Variants in PIGG observed in about 807,000 individuals in gnomAD.
PIGG encodes the protein GPI ethanolamine phosphate transferase 2, catalytic subunit.
A neutral mutation model predicts 83.2 loss-of-function variants in PIGG; 70 were observed. The observed-to-expected ratio is 0.84, with a 90% confidence interval of 0.69 to 1.03. The LOEUF is 1.03. PIGG is among the 50% of genes least tolerant of loss of function. PIGG has a pLI of 0.00. For missense variants in PIGG, 1,257 were observed against 1,233.6 expected (o/e 1.02, Z -0.28); for synonymous variants, 532 against 519.5 (o/e 1.02, Z -0.33).
At chr4:538,267 C>G (rs1287282651) in intron 12 of PIGG, among the ~76,000 whole-genome samples, 1 of 149,970 alleles carries the variant, frequency 6.7e-6, no homozygotes, top group Non-Finnish European at 1.5e-5. Flanking sequence ...ATCACAGACT[C>G]AGGGAAGTTG....
chr4:499,286 G>A lies in PIGG; in HGVS notation c.-50G>A. Reference sequence around the variant, plus strand: ...GGAGCCGGAAGCGCGGCTGCAGCAGGGCGAGGCTCCAGGTGGGGTCGGTTC... The same window carrying A: ...GGAGCCGGAAGCGCGGCTGCAGCAGAGCGAGGCTCCAGGTGGGGTCGGTTC... On this transcript the variant is annotated 5_prime_UTR_variant, in exon 1 of 13. Transcript: ENST00000453061. The A allele has an allele frequency of 6.3e-7, 1 of 1,584,724 alleles. No individual in the cohort carries two copies. Among genetic ancestry groups the A allele is most frequent in the Non-Finnish European group, 8.5e-7 (1 of 1,170,502 alleles).
intron 12 of PIGG, among the ~76,000 whole-genome samples, chr4:535,995 CCACGCACCCAGGCA>C (rs1490858759): frequency 1.3e-5 from 2 of 152,212 alleles, no homozygotes; most frequent in Non-Finnish European, 2.9e-5. Context: ...CGGGCAGGGC[CCACGCACCCAGGCA>C]CGCACACCCG....
Position 516,005 on chromosome 4 carries a change from A to G in PIGG, c.934A>G (p.Thr312Ala). Residue 312 changes from threonine to alanine, a missense_variant, in exon 6 of 13, where the codon ACG becomes GCG. By Grantham distance (58) the Thr-to-Ala change is moderately conservative (BLOSUM62 0). Transcript: ENST00000453061. ...DIRHPKHVQQ[T>A]DVAATLAIAL... is the part of the protein sequence containing the mutation. ...CCGACATCCAAAGCACGTCCAACAG[A>G]CGGATGTGGCTGCGACACTGGCGAT... 6.2e-7 allele frequency: 1 copy of G among 1,614,172 alleles called. No individual in the cohort carries two copies. The highest frequency in any genetic ancestry group is 8.5e-7 in the Non-Finnish European group (1 of 1,180,000).
intron 9 of PIGG, chr4:526,804 T>C: frequency 3.7e-6 from 2 of 541,228 alleles, no homozygotes; most frequent in East Asian, 6.8e-5. Context: ...CGCATTGGCA[T>C]CCTAAAGTGC....
At chr4:502,437 C>G (rs1553876409) in intron 2 of PIGG, 1 of 152,226 alleles carries the variant, frequency 6.6e-6, no homozygotes, top group Non-Finnish European at 1.5e-5. Context: ...TGCCCTGCCT[C>G]CAGTCTGAGA....
chr4:516,256 GT>G, intron 6 of PIGG, 71 bp downstream of exon 6: 1 of 984,368 alleles, frequency 1.0e-6, no homozygotes, highest in Non-Finnish European at 1.6e-6. Context: ...TCTCCGATGT[GT>G]TTCTGTGGTA....
At chr4:530,142 C>A (rs1011380212) in intron 10 of PIGG, among the ~76,000 whole-genome samples, 9 of 152,146 alleles carry the variant, frequency 5.9e-5, no homozygotes, top group African/African-American at 2.2e-4. Context: ...TTGGGTCGTG[C>A]CACCAGATGA....
rs1165926827 is a variant in PIGG at position 499,251 on chromosome 4, G to A, written c.-85G>A. The A allele has an allele frequency of 2.4e-5, 35 of 1,454,346 alleles. No individual in the cohort carries two copies. The highest frequency in any genetic ancestry group is 4.8e-5 in the East Asian group (2 of 41,420). 90.1% of individuals were successfully genotyped at this position (1,454,346 alleles called of 1,614,324 possible). A position where few individuals can be genotyped will look rare whatever the true frequency, so the allele number is the denominator to read the frequency against. ...TAAGGCCTGGCGTTATTGCTTAGAG[G>A]CGGCTACCTGGAGCCGGAAGCGCGG... On this transcript the variant is annotated 5_prime_UTR_variant, in exon 1 of 13. Coordinates refer to ENST00000453061, the MANE Select transcript of PIGG (RefSeq NM_001127178.3).
chr4:522,470 A>G lies in PIGG; in HGVS notation c.1614+529A>G, dbSNP rs148989189. ...TGGAATTCTTAGTCCTTGGCCTCGG[A>G]CACCTTCATTCGTTAGCTGGGGAGT... On this transcript the variant is annotated intron_variant, in intron 8 of 12. Coordinates refer to ENST00000453061, the MANE Select transcript of PIGG (RefSeq NM_001127178.3). The G allele has an allele frequency of 5.3e-3, 1,052 of 199,102 alleles. 19 individuals carry two copies. The highest frequency in any genetic ancestry group is 0.023 in the African/African-American group (1,008 of 43,852). The allele number at this position is 199,102 out of a possible 1,614,324, so 12.3% of individuals were successfully genotyped here. A position where few individuals can be genotyped will look rare whatever the true frequency, so the allele number is the denominator to read the frequency against.
rs1162746389 is a variant in PIGG at position 533,945 on chromosome 4, G to T, written c.2699G>T (p.Ser900Ile). Residue 900 changes from serine to isoleucine, a missense_variant, in exon 12 of 13, where the codon AGC becomes ATC. Physicochemically the swap from Ser to Ile is moderately radical, Grantham distance 142. Coordinates refer to ENST00000453061, the MANE Select transcript of PIGG (RefSeq NM_001127178.3). ...TACGCAGGGCCTGTGCTGTGGGCCA[G>T]CCACTTAGTGCACTTCCTGAGCTCA... ...GTYAGPVLWA[S>I]HLVHFLSSET... The T allele has an allele frequency of 6.2e-7, 1 of 1,614,092 alleles. No individual in the cohort carries two copies. Among genetic ancestry groups the T allele is most frequent in the African/African-American group, 1.3e-5 (1 of 74,944 alleles).
intron 5 of PIGG, among the ~76,000 whole-genome samples, chr4:514,649 G>A (rs1300244410): frequency 6.6e-6 from 1 of 152,178 alleles, no homozygotes; most frequent in African/African-American, 2.4e-5. Context: ...AAGATAAAAT[G>A]ATCTTGTGTT....
At chr4:526,288 G>C (rs934474401) in intron 9 of PIGG, among the ~76,000 whole-genome samples, 1 of 152,248 alleles carries the variant, frequency 6.6e-6, no homozygotes. Flanking sequence ...AGGCCCCCGT[G>C]TGGCCCCAGT....
chr4:506,433 G>C (rs1553879323), intron 3 of PIGG, among the ~76,000 whole-genome samples: 1 of 152,192 alleles, frequency 6.6e-6, no homozygotes, highest in East Asian at 1.9e-4. Context: ...CTGCATGTTA[G>C]AAAGCAGACC....
intron 1 of PIGG, 64 bp from the exon 2 acceptor site, chr4:500,332 G>A (rs1717174210): frequency 8.6e-7 from 1 of 1,162,210 alleles, no homozygotes; most frequent in Non-Finnish European, 1.3e-6. Context: ...GCTAGATTGT[G>A]AAGGTGCTTG....
intron 5 of PIGG, among the ~76,000 whole-genome samples, chr4:514,879 T>G (rs1473473963): frequency 6.6e-6 from 1 of 152,218 alleles, no homozygotes; most frequent in Admixed American, 6.5e-5. Context: ...AAAAGCAATT[T>G]AAGGTGGGTT....
chr4:525,474 T>A, intron 9 of PIGG: 1 of 465,132 alleles, frequency 2.1e-6, no homozygotes, highest in Non-Finnish European at 2.8e-6. Flanking sequence ...AAAAGGGAAA[T>A]GCCTAGTCCT....
At chr4:505,970 T>C (rs370024026) in intron 3 of PIGG, 43 bp downstream of exon 3, 3 of 1,320,520 alleles carry the variant, frequency 2.3e-6, no homozygotes, top group East Asian at 2.4e-5. Context: ...TAGAATATCA[T>C]ACTAGATAGA....
At chr4:534,937 C>G (rs553112977) in intron 12 of PIGG, among the ~76,000 whole-genome samples, 64 of 152,288 alleles carry the variant, frequency 4.2e-4, no homozygotes, top group African/African-American at 1.5e-3. Flanking sequence ...AGAAGTTCTC[C>G]CGGGGAAACC....
chr4:526,045 C>T (rs961938108), intron 9 of PIGG, among the ~76,000 whole-genome samples: 3 of 152,140 alleles, frequency 2.0e-5, no homozygotes, highest in Non-Finnish European at 4.4e-5. Context: ...GCAAGAGCCA[C>T]CCCCAACCGC....
Sources: allele counts gnomAD v4.1 joint callset (sites outside exome capture counted in the v4.1 genomes callset), GRCh38; gene constraint gnomAD v4.1.1; transcripts MANE v1.5; gene names NCBI Gene and HGNC (gene_info 2026-07-23, HGNC 2026-07-21).